PDSS2: variants seen among roughly 807,000 people sequenced by gnomAD.
PDSS2 encodes decaprenyl diphosphate synthase subunit 2.
In PDSS2, 31 loss-of-function variants were observed where a neutral mutation model predicts 44.5. The ratio of observed to expected loss-of-function variants is 0.70; its 90% confidence interval spans 0.52 to 0.94. PDSS2 has a LOEUF of 0.94. PDSS2 is among the 40% of genes least tolerant of loss of function. PDSS2 has a pLI of 0.00. For synonymous variants in PDSS2, 157 were observed against 180.3 expected, an observed-to-expected ratio of 0.87 and a Z score of 1.03; for missense variants, 452 against 482.2, an observed-to-expected ratio of 0.94 and a Z score of 0.59.
intron 2 of PDSS2, among the ~76,000 whole-genome samples, chr6:107,316,403 G>T (rs1444222427): frequency 6.6e-6 from 1 of 151,868 alleles, no homozygotes; most frequent in African/African-American, 2.4e-5. Context: ...TTTTGCTATG[G>T]TATCCAGTAT....
rs563621818 is a variant in PDSS2, at chr6:107,272,581, C to A, written c.630+1448G>T. 1.4e-3 allele frequency among the ~76,000 whole-genome samples: 210 copies of A among 152,340 alleles called. 1 individual carries two copies. The highest frequency in any genetic ancestry group is 2.6e-3 in the Non-Finnish European group (179 of 68,036). ...TTTACATGAGAGAAAAAATACATTC[C>A]TATCTTATAGGGCACTGTTATCTTA... On this transcript the variant is annotated intron_variant, in intron 3 of 7. Transcript: ENST00000369037.
intron 3 of PDSS2, among the ~76,000 whole-genome samples, chr6:107,268,256 T>C (rs1420309328): frequency 1.3e-5 from 2 of 152,160 alleles, no homozygotes; most frequent in African/African-American, 4.8e-5. Flanking sequence ...AGAAATGTCT[T>C]TAAAGTGTGA....
chr6:107,444,739 C>A (rs1362446605), intron 1 of PDSS2, among the ~76,000 whole-genome samples: 2 of 152,014 alleles, frequency 1.3e-5, no homozygotes, highest in African/African-American at 2.4e-5. Context: ...AAGAATTTTA[C>A]CATGCAGAAA....
chr6:107,278,942 A>T (rs1232999969), intron 2 of PDSS2, among the ~76,000 whole-genome samples: 1 of 152,180 alleles, frequency 6.6e-6, no homozygotes, highest in Non-Finnish European at 1.5e-5. Context: ...AATTTAAAAC[A>T]TCTAGCTGGG....
At chr6:107,337,268 A>C (rs1777934664) in intron 1 of PDSS2, among the ~76,000 whole-genome samples, 2 of 152,172 alleles carry the variant, frequency 1.3e-5, no homozygotes, top group African/African-American at 4.8e-5. Context: ...TAACTTGTCT[A>C]AGGTACCATA....
intron 4 of PDSS2, among the ~76,000 whole-genome samples, chr6:107,216,530 C>T (rs6568477): frequency 0.76 from 116,269 of 152,100 alleles, 45,201 homozygotes; most frequent in East Asian, 0.99. Flanking sequence ...AGCTTAGAAA[C>T]GCGCAAAACT....
chr6:107,247,342 C>T (rs1774655519), intron 3 of PDSS2, among the ~76,000 whole-genome samples: 1 of 152,166 alleles, frequency 6.6e-6, no homozygotes, highest in Non-Finnish European at 1.5e-5. Flanking sequence ...CTCTGGATAA[C>T]CAGAGTGTTC....
intron 1 of PDSS2, among the ~76,000 whole-genome samples, chr6:107,417,920 CAG>C (rs1389693988): frequency 1.6e-4 from 24 of 151,942 alleles, no homozygotes; most frequent in African/African-American, 5.1e-4. Flanking sequence ...TATATAATCA[CAG>C]ATACAACATT....
intron 2 of PDSS2, among the ~76,000 whole-genome samples, chr6:107,322,851 G>A (rs750803864): frequency 1.6e-4 from 24 of 152,094 alleles, no homozygotes; most frequent in Non-Finnish European, 2.2e-4. Flanking sequence ...ACCTTGAGAA[G>A]AGGAGGGAAT....
chr6:107,391,197 T>C (rs1046257438), intron 1 of PDSS2, among the ~76,000 whole-genome samples: 1 of 151,994 alleles, frequency 6.6e-6, no homozygotes, highest in Non-Finnish European at 1.5e-5. Context: ...AGAAACCCCA[T>C]CTAACTCTTA....
intron 1 of PDSS2, among the ~76,000 whole-genome samples, chr6:107,340,488 T>C (rs1219998000): frequency 6.6e-6 from 1 of 152,248 alleles, no homozygotes; most frequent in Non-Finnish European, 1.5e-5. Flanking sequence ...ACCACCACTG[T>C]GGTACTTTTC....
chr6:107,303,633 C>T (rs1197395613), intron 2 of PDSS2, among the ~76,000 whole-genome samples: 1 of 152,128 alleles, frequency 6.6e-6, no homozygotes, highest in African/African-American at 2.4e-5. Context: ...TTTTCTATGT[C>T]ACAAAATATG....
chr6:107,379,297 T>A lies in PDSS2; in HGVS notation c.297-44965A>T, dbSNP rs541472567. On this transcript the variant is annotated intron_variant, in intron 1 of 7. Coordinates refer to ENST00000369037, the MANE Select transcript of PDSS2 (RefSeq NM_020381.4). ...TAACATTTCTGTATTATAACACTTA[T>A]CTGATGTTTACTTTTGTGACCTGAC... Among the ~76,000 whole-genome samples, 36 of 152,334 alleles carry A rather than the reference T, an allele frequency of 2.4e-4. No individual in the cohort carries two copies. The South Asian group carries it at 7.5e-3, about 32-fold the overall frequency.
intron 4 of PDSS2, among the ~76,000 whole-genome samples, chr6:107,218,351 T>C (rs190760354): frequency 2.6e-5 from 4 of 152,272 alleles, no homozygotes; most frequent in Non-Finnish European, 4.4e-5. Flanking sequence ...TCTTGGCCTC[T>C]AGGAGGCCTC....
intron 6 of PDSS2, among the ~76,000 whole-genome samples, chr6:107,195,699 A>G (rs1465556118): frequency 1.3e-5 from 2 of 148,956 alleles, no homozygotes; most frequent in East Asian, 4.1e-4. Flanking sequence ...AGCTGGGATT[A>G]CAGGCACCCA....
intron 5 of PDSS2, among the ~76,000 whole-genome samples, chr6:107,211,076 G>A (rs1474282802): frequency 6.6e-6 from 1 of 151,526 alleles, no homozygotes; most frequent in Non-Finnish European, 1.5e-5. Context: ...TCCTTTTCTA[G>A]TGGGTGGTGG....
At chr6:107,202,836 A>G (rs1023658171) in intron 6 of PDSS2, among the ~76,000 whole-genome samples, 1 of 151,926 alleles carries the variant, frequency 6.6e-6, no homozygotes, top group Non-Finnish European at 1.5e-5. Context: ...GCAGATGTAG[A>G]AGGCTATGGT....
intron 4 of PDSS2, among the ~76,000 whole-genome samples, chr6:107,232,495 T>A (rs1205531865): frequency 6.6e-6 from 1 of 152,244 alleles, no homozygotes; most frequent in Non-Finnish European, 1.5e-5. Context: ...AGATCTCAAC[T>A]TAAATGTTAT....
intron 1 of PDSS2, among the ~76,000 whole-genome samples, chr6:107,345,355 A>G (rs1456236935): frequency 6.7e-6 from 1 of 148,912 alleles, no homozygotes. Context: ...TGTTTTTACC[A>G]AAAAGAATGT....
Sources: gnomAD v4.1 joint callset for allele counts (sites outside exome capture counted in the v4.1 genomes callset) on GRCh38, gnomAD v4.1.1 for gene constraint, MANE v1.5 for transcripts, NCBI Gene and HGNC (gene_info 2026-07-23, HGNC 2026-07-21) for gene names.